Variants in FRA10AC1 observed in about 807,000 individuals in gnomAD.
FRA10AC1 encodes the protein FRA10A associated CGG repeat 1.
A neutral mutation model predicts 56.5 loss-of-function variants in FRA10AC1; 43 were observed. The ratio of observed to expected loss-of-function variants is 0.76; its 90% CI spans 0.60 to 0.98. The LOEUF is 0.98. Ranked by LOEUF, FRA10AC1 falls within the 50% of genes least tolerant of loss-of-function variation. The pLI is 0.00. For synonymous variants in FRA10AC1, 112 were observed against 110.5 expected (o/e 1.01, Z -0.09); for missense variants, 346 against 351.8 (o/e 0.98, Z 0.13).
At chr10:93,685,421 AG>A (rs1208357930) in intron 8 of FRA10AC1, 62 bp from the exon 9 acceptor site, 2 of 749,158 alleles carry the variant, frequency 2.7e-6, no homozygotes, top group East Asian at 5.3e-5. Context: ...TATATGATCT[AG>A]TATTACCCCT....
At position 93,684,097 on chromosome 10, in the gene FRA10AC1, C is replaced by A; in HGVS notation, c.627G>T (p.Arg209Ser). Reference sequence around the variant, plus strand: ...ATTTAATGGAACATTCTTGGCATAACCCTAAAAAGAAAAGACACCACTGAA... The same window carrying A: ...ATTTAATGGAACATTCTTGGCATAAACCTAAAAAGAAAAGACACCACTGAA... ...GEKRNALVKL[R>S]LCQECSIKLN... The change falls in exon 10 of 14, where the codon AGG becomes AGT. Residue 209 changes from arginine to serine, a missense_variant and splice_region_variant. By Grantham distance (110) the Arg-to-Ser change is moderately radical (BLOSUM62 -1). Coordinates refer to ENST00000359204, the MANE Select transcript of FRA10AC1 (RefSeq NM_145246.5). The A allele has an allele frequency of 1.2e-6, 2 of 1,604,936 alleles. No homozygotes were observed. Among genetic ancestry groups the A allele is most frequent in the Non-Finnish European group, 1.7e-6 (2 of 1,172,850 alleles).
At chr10:93,672,182 G>A (rs886400426) in intron 12 of FRA10AC1, 11 of 365,312 alleles carry the variant, frequency 3.0e-5, no homozygotes, top group African/African-American at 2.4e-4. Context: ...ATTTGTTACG[G>A]TAGTTCTAGC....
intron 1 of FRA10AC1, among the ~76,000 whole-genome samples, chr10:93,702,132 C>A (rs772655117): frequency 2.0e-5 from 3 of 151,968 alleles, no homozygotes; most frequent in Non-Finnish European, 4.4e-5. Context: ...CCGACCCATA[C>A]CTATCTTAAC....
intron 1 of FRA10AC1, among the ~76,000 whole-genome samples, chr10:93,701,259 T>C (rs2059326984): frequency 6.6e-6 from 1 of 152,168 alleles, no homozygotes; most frequent in Non-Finnish European, 1.5e-5. Context: ...ACATAACTAA[T>C]TTACATGGCT....
At chr10:93,678,227 G>A (rs776341176) in intron 11 of FRA10AC1, among the ~76,000 whole-genome samples, 1 of 152,180 alleles carries the variant, frequency 6.6e-6, no homozygotes, top group African/African-American at 2.4e-5. Flanking sequence ...GGGTGATGGT[G>A]AGACAGATAA....
rs895016037 is a variant in FRA10AC1, at chr10:93,694,952, A to T, written c.220-15T>A. On this transcript the variant is annotated splice_polypyrimidine_tract_variant and intron_variant, in intron 4 of 13. Coordinates refer to ENST00000359204, the MANE Select transcript of FRA10AC1 (RefSeq NM_145246.5). ...TGTCTTTGATACTGAAATGCAAAAA[A>T]TTAAGGATTTTATTCTCTTAGGAGC... 7.5e-7 allele frequency: 1 copy of T among 1,332,420 alleles called. No homozygotes were observed. Among genetic ancestry groups the T allele is most frequent in the Admixed American group, 1.7e-5 (1 of 57,958 alleles). The allele number at this position is 1,332,420 out of a possible 1,614,324, so 82.5% of individuals were successfully genotyped here.
chr10:93,670,974 A>T lies in FRA10AC1; in HGVS notation c.827-126T>A, dbSNP rs943745665. The stretch of plus-strand genomic sequence containing the variant: ...ACTTTTATGACTCTCTAGAAATTTA[A>T]TTCACTCTCACAGGTACAATAAATT... On this transcript the variant is annotated intron_variant, in intron 12 of 13. Coordinates refer to ENST00000359204, the MANE Select transcript of FRA10AC1 (RefSeq NM_145246.5). 1.3e-4 allele frequency: 82 copies of T among 623,288 alleles called. No individual in the cohort carries two copies. In the Middle Eastern group the frequency reaches 3.5e-3, roughly 26 times the overall value. 38.6% of individuals were successfully genotyped at this position (623,288 alleles called of 1,614,324 possible). A position where few individuals can be genotyped will look rare whatever the true frequency, so the allele number is the denominator to read the frequency against.
chr10:93,695,218 T>C (rs2059211590), intron 4 of FRA10AC1, among the ~76,000 whole-genome samples: 1 of 152,112 alleles, frequency 6.6e-6, no homozygotes, highest in African/African-American at 2.4e-5. Context: ...TAGAGCTTCT[T>C]ATTCTATTGC....
At chr10:93,673,431 C>T in intron 12 of FRA10AC1, 1 of 449,088 alleles carries the variant, frequency 2.2e-6, no homozygotes, top group South Asian at 1.6e-5. Context: ...TCTTGACCTG[C>T]TTCAAGTTTT....
intron 10 of FRA10AC1, among the ~76,000 whole-genome samples, chr10:93,682,563 G>A (rs530306734): frequency 6.6e-6 from 1 of 152,256 alleles, no homozygotes; most frequent in Non-Finnish European, 1.5e-5. Flanking sequence ...CACCTTGGGC[G>A]GCTGAGGCAG....
intron 10 of FRA10AC1, among the ~76,000 whole-genome samples, chr10:93,682,475 G>A (rs2058952130): frequency 6.6e-6 from 1 of 152,094 alleles, no homozygotes; most frequent in Non-Finnish European, 1.5e-5. Context: ...TGATGGGAAG[G>A]GGAAATAAAG....
At position 93,669,167 on chromosome 10, in the gene FRA10AC1, G is replaced by A. The variant is rs2058723186; in HGVS notation, c.*659C>T. 1 of 152,204 alleles carries A rather than the reference G, an allele frequency of 6.6e-6. No homozygotes were observed. The highest frequency in any genetic ancestry group is 2.4e-5 in the African/African-American group (1 of 41,424). 9.4% of individuals were successfully genotyped at this position (152,204 alleles called of 1,614,324 possible). A position where few individuals can be genotyped will look rare whatever the true frequency, so the allele number is the denominator to read the frequency against. ...GGCAAGCAAAAAACCTCAAAAAGCAGCTGGAAATAGGTGGTAATGGGAGAG... is the reference window on the plus strand; with the variant it reads ...GGCAAGCAAAAAACCTCAAAAAGCAACTGGAAATAGGTGGTAATGGGAGAG... On this transcript the variant is annotated 3_prime_UTR_variant, in exon 14 of 14. Transcript: ENST00000359204.
In FRA10AC1 at chr10:93,681,528, T is replaced by A; in HGVS notation, c.739A>T (p.Lys247Ter). 1 of 1,581,044 alleles carries A rather than the reference T, an allele frequency of 6.3e-7. No homozygotes were observed. The highest frequency in any genetic ancestry group is 8.6e-7 in the Non-Finnish European group (1 of 1,168,794). The change falls in exon 11 of 14, where the codon AAA becomes TAA. Residue 247 changes from lysine to a stop codon, truncating the protein, a stop_gained. Coordinates refer to ENST00000359204, the MANE Select transcript of FRA10AC1 (RefSeq NM_145246.5). LOFTEE classifies it high-confidence loss of function. ...KKDCEESSHK[K>*]SRLSSAEEAS... ...TCTTCTGCAGAAGATAATCTGGATT[T>A]TTTATGTGATGACTCTTCACAGTCT...
chr10:93,686,280 T>A (rs1448211422), intron 8 of FRA10AC1, among the ~76,000 whole-genome samples: 2 of 152,046 alleles, frequency 1.3e-5, no homozygotes, highest in Middle Eastern at 3.4e-3. Context: ...ATATGTTTAG[T>A]AGGTAAGGCT....
At chr10:93,701,434 C>T (rs568950547) in intron 1 of FRA10AC1, among the ~76,000 whole-genome samples, 37 of 152,184 alleles carry the variant, frequency 2.4e-4, no homozygotes, top group Non-Finnish European at 4.3e-4. Context: ...GTCATTTCAT[C>T]TCCCTGGACT....
intron 8 of FRA10AC1, 46 bp downstream of exon 8, chr10:93,687,358 C>A: frequency 7.4e-7 from 1 of 1,350,714 alleles, no homozygotes; most frequent in Non-Finnish European, 1.0e-6. Context: ...AGTAACTTAA[C>A]AAAATAAGTT....
intron 4 of FRA10AC1, 40 bp from the exon 5 acceptor site, chr10:93,694,977 C>A (rs1196163846): frequency 2.9e-6 from 3 of 1,052,216 alleles, no homozygotes; most frequent in Non-Finnish European, 4.4e-6. Context: ...CTCTTAGGAG[C>A]TGTTTGGTGT....
At chr10:93,671,833 C>T (rs1023805989) in intron 12 of FRA10AC1, 1 of 323,676 alleles carries the variant, frequency 3.1e-6, no homozygotes, top group Non-Finnish European at 5.9e-6. Flanking sequence ...TACCTGTGGG[C>T]CTGGAATACT....
chr10:93,687,558 C>T (rs1407104820), intron 7 of FRA10AC1, 109 bp from the exon 8 acceptor site: 2 of 1,029,924 alleles, frequency 1.9e-6, no homozygotes, highest in Non-Finnish European at 2.7e-6. Flanking sequence ...ATGTAATTCC[C>T]ATCATGACAG....
Sources: gnomAD v4.1 joint callset for allele counts (sites outside exome capture counted in the v4.1 genomes callset) on GRCh38, gnomAD v4.1.1 for gene constraint, MANE v1.5 for transcripts, NCBI Gene and HGNC (gene_info 2026-07-23, HGNC 2026-07-21) for gene names.